The following SGCD variants were observed in gnomAD, a reference collection of about 807,000 sequenced individuals.
The protein encoded by SGCD is sarcoglycan delta.
In SGCD, 18 loss-of-function variants were observed where a neutral mutation model predicts 36.6. That is an observed-to-expected ratio of 0.49 (90% CI 0.34 to 0.73). The LOEUF (loss-of-function observed/expected upper bound fraction) is 0.73, where lower values mean the gene tolerates loss of function less well. Ranked by LOEUF, SGCD falls within the 30% of genes least tolerant of loss-of-function variation. The pLI is 0.01. For synonymous variants in SGCD, 133 were observed against 130.6 expected (o/e 1.02, Z -0.12); for missense variants, 387 against 346.7 (o/e 1.12, Z -0.92).
chr5:156,421,515 C>G (rs908938146), intron 3 of SGCD, among the ~76,000 whole-genome samples: 2 of 152,020 alleles, frequency 1.3e-5, no homozygotes, highest in Non-Finnish European at 2.9e-5. Flanking sequence ...CAAAACTCAG[C>G]CACACATGAT....
At chr5:155,841,365 G>A in the SGCD span, among the ~76,000 whole-genome samples, 1 of 152,202 alleles carries the variant, frequency 6.6e-6, no homozygotes, top group East Asian at 1.9e-4. Context: ...ATTAATCAGT[G>A]GCTATTTCCC....
At chr5:156,025,762 A>C (rs1759214296) in intron 1 of SGCD, among the ~76,000 whole-genome samples, 1 of 152,210 alleles carries the variant, frequency 6.6e-6, no homozygotes, top group Non-Finnish European at 1.5e-5. Context: ...TCTGATTCTC[A>C]GACTAATCTC....
chr5:156,553,634 A>G lies in SGCD; in HGVS notation c.295-35597A>G, dbSNP rs112685068. On this transcript the variant is annotated intron_variant, in intron 4 of 8. Coordinates refer to ENST00000337851, the MANE Select transcript of SGCD (RefSeq NM_000337.6). ...CAGTCTCCATCCTCCCCTTCTTACAACCCCTGGCAACCCTAATCTGCTGTC... is the reference window on the plus strand; with the variant it reads ...CAGTCTCCATCCTCCCCTTCTTACAGCCCCTGGCAACCCTAATCTGCTGTC... 2.2e-3 allele frequency among the ~76,000 whole-genome samples: 336 copies of G among 151,998 alleles called. 1 individual carries two copies. The highest frequency in any genetic ancestry group is 7.6e-3 in the African/African-American group (317 of 41,438).
chr5:156,677,915 C>A (rs1489847773), intron 7 of SGCD, among the ~76,000 whole-genome samples: 1 of 152,182 alleles, frequency 6.6e-6, no homozygotes, highest in Non-Finnish European at 1.5e-5. Context: ...AAACACCTAT[C>A]TCCATGGCCT....
chr5:155,982,007 C>T (rs1210430874), intron 1 of SGCD, among the ~76,000 whole-genome samples: 2 of 152,128 alleles, frequency 1.3e-5, no homozygotes, highest in East Asian at 3.9e-4. Flanking sequence ...CCTCCTGGAG[C>T]TCTCCTCCTC....
At chr5:156,028,714 C>G (rs1436199663) in intron 1 of SGCD, among the ~76,000 whole-genome samples, 2 of 152,100 alleles carry the variant, frequency 1.3e-5, no homozygotes, top group Non-Finnish European at 2.9e-5. Flanking sequence ...ATTTGTACCA[C>G]ACATCATGAG....
At chr5:156,155,180 C>A (rs1261439706) in intron 3 of SGCD, among the ~76,000 whole-genome samples, 1 of 151,574 alleles carries the variant, frequency 6.6e-6, no homozygotes, top group Admixed American at 6.6e-5. Context: ...CAAAGTATTT[C>A]TCTATGAAAA....
At chr5:156,360,511 G>A (rs777100494) in intron 3 of SGCD, among the ~76,000 whole-genome samples, 1 of 152,160 alleles carries the variant, frequency 6.6e-6, no homozygotes, top group Non-Finnish European at 1.5e-5. Flanking sequence ...GCCTCCCAAA[G>A]TGCTGGAATT....
At chr5:156,509,383 C>G (rs1049140690) in intron 4 of SGCD, among the ~76,000 whole-genome samples, 3 of 152,252 alleles carry the variant, frequency 2.0e-5, no homozygotes, top group Admixed American at 6.5e-5. Context: ...CAAGATCACG[C>G]CACTGGACTC....
chr5:156,484,242 A>C (rs1755562849), intron 3 of SGCD, among the ~76,000 whole-genome samples: 1 of 152,134 alleles, frequency 6.6e-6, no homozygotes, highest in Non-Finnish European at 1.5e-5. Context: ...TTTCCTGAAA[A>C]GATAGAGTAT....
the SGCD span, among the ~76,000 whole-genome samples, chr5:155,771,002 A>C: frequency 2.0e-5 from 3 of 152,136 alleles, no homozygotes; most frequent in Non-Finnish European, 2.9e-5. Flanking sequence ...CTTTAACAAA[A>C]GAAGTTTGAA....
chr5:156,690,356 A>G (rs1466855472), intron 7 of SGCD, among the ~76,000 whole-genome samples: 1 of 152,234 alleles, frequency 6.6e-6, no homozygotes, highest in East Asian at 1.9e-4. Context: ...TGTTAAAACA[A>G]CAGTGGGACT....
At chr5:156,269,525 G>A (rs1366847763) in intron 3 of SGCD, among the ~76,000 whole-genome samples, 1 of 114,666 alleles carries the variant, frequency 8.7e-6, no homozygotes, top group Non-Finnish European at 1.7e-5. Flanking sequence ...CAGATCTCAT[G>A]AAACTTATTC....
intron 3 of SGCD, among the ~76,000 whole-genome samples, chr5:156,294,217 T>C (rs1766836069): frequency 6.8e-6 from 1 of 146,894 alleles, no homozygotes; most frequent in Non-Finnish European, 1.5e-5. Context: ...TTGTTAGTTA[T>C]AACAGAGATT....
intron 4 of SGCD, among the ~76,000 whole-genome samples, chr5:156,550,725 C>T (rs1758758631): frequency 6.6e-6 from 1 of 152,216 alleles, no homozygotes; most frequent in Admixed American, 6.5e-5. Context: ...CCATAGTTAC[C>T]TTTGAGCTAA....
At chr5:155,729,025 C>G in the SGCD span, among the ~76,000 whole-genome samples, 1 of 152,258 alleles carries the variant, frequency 6.6e-6, no homozygotes, top group African/African-American at 2.4e-5. Flanking sequence ...CCCTTTACCC[C>G]CAGCTAGCGG....
intron 1 of SGCD, among the ~76,000 whole-genome samples, chr5:156,074,572 T>C (rs113472609): frequency 0.16 from 24,632 of 151,854 alleles, 2,142 homozygotes; most frequent in Middle Eastern, 0.19. Flanking sequence ...CCGAGCTACT[T>C]GGGAGGCTGA....
intron 3 of SGCD, among the ~76,000 whole-genome samples, chr5:156,380,825 A>G (rs148307068): frequency 6.6e-6 from 1 of 152,304 alleles, no homozygotes; most frequent in East Asian, 1.9e-4. Flanking sequence ...TGTGGTTTGC[A>G]TTTTAATTTG....
intron 7 of SGCD, among the ~76,000 whole-genome samples, chr5:156,691,899 A>G (rs1339655454): frequency 6.6e-6 from 1 of 152,246 alleles, no homozygotes; most frequent in African/African-American, 2.4e-5. Flanking sequence ...ATCCAAATCA[A>G]TAATGCAAAT....
Sources: allele counts gnomAD v4.1 joint callset (sites outside exome capture counted in the v4.1 genomes callset), GRCh38; gene constraint gnomAD v4.1.1; transcripts MANE v1.5; gene names NCBI Gene and HGNC (gene_info 2026-07-23, HGNC 2026-07-21).